TMCC1: variants seen among roughly 807,000 people sequenced by gnomAD.
The protein encoded by TMCC1 is transmembrane and coiled-coil domains protein 1.
In TMCC1, 15 loss-of-function variants were observed where a neutral mutation model predicts 52.4. That is an observed-to-expected ratio of 0.29 (90% CI 0.19 to 0.44). The LOEUF (loss-of-function observed/expected upper bound fraction) is 0.44, where lower values mean the gene tolerates loss of function less well. Among genes scored for constraint, TMCC1 ranks in the 20% least tolerant of loss-of-function variants. The pLI, the probability that TMCC1 is intolerant of heterozygous loss-of-function variation, is 1.00. For missense variants in TMCC1, 503 were observed against 806.0 expected (o/e 0.62, Z 4.55); for synonymous variants, 279 against 301.9 (o/e 0.92, Z 0.79).
intron 4 of TMCC1, among the ~76,000 whole-genome samples, chr3:129,756,328 T>G (rs1265398316): frequency 2.0e-5 from 3 of 152,178 alleles, no homozygotes. Context: ...TGAACTGTAA[T>G]TACATTCATA....
At chr3:129,731,796 A>T (rs1013188248) in intron 4 of TMCC1, among the ~76,000 whole-genome samples, 1 of 151,352 alleles carries the variant, frequency 6.6e-6, no homozygotes, top group South Asian at 2.1e-4. Context: ...AGTTTTTCGT[A>T]TTTTTTTTGG....
intron 4 of TMCC1, among the ~76,000 whole-genome samples, chr3:129,751,472 G>A (rs918321537): frequency 2.0e-5 from 3 of 152,044 alleles, no homozygotes; most frequent in African/African-American, 7.2e-5. Context: ...TGAGGCTGCA[G>A]TGAGCCATGA....
intron 4 of TMCC1, among the ~76,000 whole-genome samples, chr3:129,741,194 A>C (rs139104242): frequency 6.6e-6 from 1 of 152,210 alleles, no homozygotes; most frequent in African/African-American, 2.4e-5. Context: ...TATAACTTTC[A>C]TAATTACTGA....
chr3:129,783,503 C>T (rs773612276), intron 4 of TMCC1, among the ~76,000 whole-genome samples: 4 of 151,244 alleles, frequency 2.6e-5, no homozygotes, highest in Non-Finnish European at 4.4e-5. Flanking sequence ...CACCTCCTGA[C>T]AAAGACTTTC....
Position 129,759,709 on chromosome 3 carries a change from A to ATTTTTTTTTTTTTTTTTT in TMCC1, c.576+68093_576+68094insAAAAAAAAAAAAAAAAAA, listed in dbSNP as rs1560350161. ...GGCATGAGCCACTGCAGCCAGCCAA[A>ATTTTTTTTTTTTTTTTTT]CTTTTTTTTTTTTTTTTTTTTTTTT... On this transcript the variant is annotated intron_variant, in intron 4 of 6. Coordinates refer to ENST00000393238, the MANE Select transcript of TMCC1 (RefSeq NM_001017395.5). Among the ~76,000 whole-genome samples the ATTTTTTTTTTTTTTTTTT allele has an allele frequency of 9.1e-5, 9 of 98,370 alleles. 1 individual carries two copies. The highest frequency in any genetic ancestry group is 3.5e-4 in the African/African-American group (9 of 25,368). 64.5% of individuals were successfully genotyped at this position (98,370 alleles called of 152,430 possible).
At chr3:129,749,691 G>C (rs1416824549) in intron 4 of TMCC1, among the ~76,000 whole-genome samples, 1 of 152,116 alleles carries the variant, frequency 6.6e-6, no homozygotes, top group Non-Finnish European at 1.5e-5. Context: ...GATAAAACAG[G>C]ATAATAGGAA....
At chr3:129,762,607 T>A (rs954034470) in intron 4 of TMCC1, among the ~76,000 whole-genome samples, 4 of 151,690 alleles carry the variant, frequency 2.6e-5, no homozygotes, top group Non-Finnish European at 5.9e-5. Flanking sequence ...AAGCAACATA[T>A]TGAAACGTCA....
intron 4 of TMCC1, among the ~76,000 whole-genome samples, chr3:129,680,087 T>A (rs934869996): frequency 2.6e-5 from 4 of 152,216 alleles, no homozygotes; most frequent in African/African-American, 9.7e-5. Flanking sequence ...AAGCTTAGAG[T>A]TCATTTATAC....
chr3:129,726,461 C>T (rs993886188), intron 4 of TMCC1, among the ~76,000 whole-genome samples: 3 of 152,284 alleles, frequency 2.0e-5, no homozygotes, highest in Non-Finnish European at 2.9e-5. Flanking sequence ...TGCATTCCTG[C>T]CACTCTGGAT....
At chr3:129,690,531 C>T (rs1247265867) in intron 4 of TMCC1, among the ~76,000 whole-genome samples, 1 of 152,194 alleles carries the variant, frequency 6.6e-6, no homozygotes, top group Non-Finnish European at 1.5e-5. Context: ...TGGAAGACTA[C>T]ATTTCCCAGT....
intron 4 of TMCC1, among the ~76,000 whole-genome samples, chr3:129,756,401 A>C (rs1478159275): frequency 1.3e-5 from 2 of 152,206 alleles, no homozygotes; most frequent in Non-Finnish European, 2.9e-5. Flanking sequence ...TCAACAAGAC[A>C]GATGAATCTT....
Position 129,688,706 on chromosome 3 carries a change from G to A in TMCC1, c.577-17442C>T, listed in dbSNP as rs937533883. On this transcript the variant is annotated intron_variant, in intron 4 of 6. Transcript: ENST00000393238. ...AGCATCCGTGTGTGTGCGCGCGCAC[G>A]CAGTTTGCTAGAGCAGCTAATGCAA... 56 of 985,466 alleles carry A rather than the reference G, an allele frequency of 5.7e-5. 1 individual carries two copies. The African/African-American group carries it at 7.5e-4, about 13-fold the overall frequency. The allele number at this position is 985,466 out of a possible 1,614,324, so 61.0% of individuals were successfully genotyped here. A position where few individuals can be genotyped will look rare whatever the true frequency, so the allele number is the denominator to read the frequency against.
chr3:129,876,949 T>A (rs1165809807), intron 2 of TMCC1, among the ~76,000 whole-genome samples: 4 of 152,118 alleles, frequency 2.6e-5, no homozygotes, highest in Non-Finnish European at 5.9e-5. Context: ...AGAGCGAGAC[T>A]CCATCTCAAA....
Position 129,761,797 on chromosome 3 carries a change from C to T in TMCC1, c.576+66006G>A, listed in dbSNP as rs375399037. Among the ~76,000 whole-genome samples, 12 of 152,062 alleles carry T rather than the reference C, an allele frequency of 7.9e-5. No homozygotes were observed. In the East Asian group the frequency reaches 1.4e-3, roughly 17 times the overall value. On this transcript the variant is annotated intron_variant, in intron 4 of 6. Coordinates refer to ENST00000393238, the MANE Select transcript of TMCC1 (RefSeq NM_001017395.5). ...TCTGAGGTCAGGAGTTTGAGAGCAG[C>T]CTCGCCAACGTGGTGAAACCCCATC...
At chr3:129,738,581 A>G (rs373687738) in intron 4 of TMCC1, among the ~76,000 whole-genome samples, 3 of 152,350 alleles carry the variant, frequency 2.0e-5, no homozygotes, top group South Asian at 4.1e-4. Flanking sequence ...AATAAAAGTT[A>G]TAATAGGAGA....
At chr3:129,805,845 C>T (rs2057430259) in intron 4 of TMCC1, among the ~76,000 whole-genome samples, 1 of 151,930 alleles carries the variant, frequency 6.6e-6, no homozygotes. Flanking sequence ...GAGGTGAGAA[C>T]TGCTTGAGCC....
intron 4 of TMCC1, among the ~76,000 whole-genome samples, chr3:129,697,303 G>A (rs1214335854): frequency 1.3e-5 from 2 of 152,166 alleles, no homozygotes; most frequent in Non-Finnish European, 2.9e-5. Flanking sequence ...CAAGGTATAG[G>A]GCCTTCACCC....
intron 4 of TMCC1, among the ~76,000 whole-genome samples, chr3:129,792,429 C>A (rs1042017337): frequency 1.5e-4 from 23 of 152,084 alleles, no homozygotes; most frequent in African/African-American, 5.3e-4. Flanking sequence ...CTCACTGCAG[C>A]CTCTGCCTCC....
intron 4 of TMCC1, among the ~76,000 whole-genome samples, chr3:129,795,632 T>C (rs923370960): frequency 1.3e-5 from 2 of 152,238 alleles, no homozygotes; most frequent in African/African-American, 4.8e-5. Context: ...TGTATTACAA[T>C]AGTCCTCCCT....
Sources: gnomAD v4.1 joint callset for allele counts (sites outside exome capture counted in the v4.1 genomes callset) on GRCh38, gnomAD v4.1.1 for gene constraint, MANE v1.5 for transcripts, NCBI Gene and HGNC (gene_info 2026-07-23, HGNC 2026-07-21) for gene names.